The following RASSF2 variants were observed in gnomAD, a reference collection of about 807,000 sequenced individuals.
RASSF2 encodes the protein Ras association domain family member 2.
In RASSF2, 34 loss-of-function variants were observed where a neutral mutation model predicts 46.3. That is an observed-to-expected ratio of 0.73 (90% CI 0.56 to 0.98). The LOEUF (loss-of-function observed/expected upper bound fraction) is 0.98, where lower values mean the gene tolerates loss of function less well. Ranked by LOEUF, RASSF2 falls within the 50% of genes least tolerant of loss-of-function variation. RASSF2 has a pLI of 0.00. For missense variants in RASSF2, 364 were observed against 431.2 expected (o/e 0.84, Z 1.38); for synonymous variants, 158 against 162.5 (o/e 0.97, Z 0.21).
rs1017452961 is a variant in RASSF2, at chr20:4,783,422, T to A, written c.*851A>T. 19 of 152,512 alleles carry A rather than the reference T, an allele frequency of 1.2e-4. No homozygotes were observed. Among genetic ancestry groups the A allele is most frequent in the African/African-American group, 4.3e-4 (18 of 41,536 alleles). The allele number at this position is 152,512 out of a possible 1,614,324, so 9.4% of individuals were successfully genotyped here. ...TGTTTCTTGAGACATTTCCTTCCAC[T>A]CAAGGAAGCGCCATAGAGACAGGCT... is the stretch of plus-strand genomic sequence containing the variant. On this transcript the variant is annotated 3_prime_UTR_variant, in exon 12 of 12. Coordinates refer to ENST00000379400, the MANE Select transcript of RASSF2 (RefSeq NM_014737.3).
chr20:4,799,041 T>G (rs748869704), intron 3 of RASSF2, among the ~76,000 whole-genome samples: 1 of 152,142 alleles, frequency 6.6e-6, no homozygotes, highest in Non-Finnish European at 1.5e-5. Flanking sequence ...GCACAGATCA[T>G]ATTCCATTGA....
chr20:4,801,062 C>G lies in RASSF2; in HGVS notation c.-32G>C. The G allele has an allele frequency of 6.2e-7, 1 of 1,609,952 alleles. No homozygotes were observed. Among genetic ancestry groups the G allele is most frequent in the Non-Finnish European group, 8.5e-7 (1 of 1,176,280 alleles). On this transcript the variant is annotated splice_region_variant and 5_prime_UTR_variant, in exon 3 of 12. An upstream open reading frame in the 5' UTR loses its in-frame stop. Coordinates refer to ENST00000379400, the MANE Select transcript of RASSF2 (RefSeq NM_014737.3). ...TTTCTCTTTTCATCGGAAGGAGAGG[C>G]CTACATTTGGAAGGAGAAGACAGAG...
chr20:4,812,067 G>A lies in RASSF2; in HGVS notation c.-33+10262C>T, dbSNP rs1443235381. Among the ~76,000 whole-genome samples the A allele has an allele frequency of 6.6e-6, 1 of 152,168 alleles. No homozygotes were observed. Among genetic ancestry groups the A allele is most frequent in the African/African-American group, 2.4e-5 (1 of 41,428 alleles). ...TGTGGATGGCAAACAGGAAACCCCA[G>A]CCCCATTGCACCACACGAGGAAGGA... On this transcript the variant is annotated intron_variant, in intron 2 of 11. Coordinates refer to ENST00000379400, the MANE Select transcript of RASSF2 (RefSeq NM_014737.3). This position sits in a 1 kb window ranked among gnomAD's most constrained non-coding sequence, Gnocchi z 4.0.
At chr20:4,811,204 A>G (rs1417947878) in intron 2 of RASSF2, among the ~76,000 whole-genome samples, 1 of 63,842 alleles carries the variant, frequency 1.6e-5, no homozygotes, top group African/African-American at 5.0e-5. Context: ...AAAATAAAAA[A>G]TTAGCCAGGC....
chr20:4,803,207 A>C (rs1927041304), intron 2 of RASSF2, among the ~76,000 whole-genome samples: 1 of 151,960 alleles, frequency 6.6e-6, no homozygotes, highest in African/African-American at 2.4e-5. Flanking sequence ...CACCGCACCC[A>C]GCCCACAATA....
rs979244687 is a variant in RASSF2, at chr20:4,782,219, T to C, written c.*2054A>G. 2 of 152,526 alleles carry C rather than the reference T, an allele frequency of 1.3e-5. No homozygotes were observed. The highest frequency in any genetic ancestry group is 4.8e-5 in the African/African-American group (2 of 41,462). 9.4% of individuals were successfully genotyped at this position (152,526 alleles called of 1,614,324 possible). On this transcript the variant is annotated 3_prime_UTR_variant, in exon 12 of 12. Coordinates refer to ENST00000379400, the MANE Select transcript of RASSF2 (RefSeq NM_014737.3). Reference sequence around the variant, plus strand: ...AACTCTTATAAGCCAGAAATCGCTGTCCAGTAAGAGCTAGTGGTTAGTAGT... The same window carrying C: ...AACTCTTATAAGCCAGAAATCGCTGCCCAGTAAGAGCTAGTGGTTAGTAGT...
chr20:4,788,885 C>T (rs997458485), intron 8 of RASSF2, among the ~76,000 whole-genome samples: 5 of 152,172 alleles, frequency 3.3e-5, no homozygotes, highest in African/African-American at 9.7e-5. Flanking sequence ...ATGCTCACGA[C>T]GATACCATAG....
intron 2 of RASSF2, chr20:4,815,252 G>GT (rs1928204476): frequency 6.6e-6 from 1 of 152,396 alleles, no homozygotes; most frequent in South Asian, 2.1e-4. Context: ...GGCAAACTCT[G>GT]CCTCAGCAGC....
chr20:4,796,730 G>A (rs770677757), intron 4 of RASSF2, among the ~76,000 whole-genome samples: 2 of 152,212 alleles, frequency 1.3e-5, no homozygotes, highest in Non-Finnish European at 2.9e-5. Context: ...TTATGACTAT[G>A]AAATCCTTTA....
chr20:4,819,135 G>A (rs373610058), intron 2 of RASSF2, among the ~76,000 whole-genome samples: 8 of 152,168 alleles, frequency 5.3e-5, no homozygotes, highest in African/African-American at 1.7e-4. Context: ...GATAATTTTC[G>A]TATTTTCAGT....
intron 2 of RASSF2, among the ~76,000 whole-genome samples, chr20:4,811,525 T>C (rs1052801430): frequency 6.7e-6 from 1 of 150,098 alleles, no homozygotes; most frequent in Non-Finnish European, 1.5e-5. Flanking sequence ...GCTGTGTAGA[T>C]TGAGGACACC....
chr20:4,793,050 CATTGCTGTTGAAGAAATAACTCATA>C (rs1407419929), intron 5 of RASSF2: 1 of 172,808 alleles, frequency 5.8e-6, no homozygotes, highest in Non-Finnish European at 1.3e-5. Flanking sequence ...AGTTTAGACT[CATTGCTGTTGAAGAAATAACTCATA>C]ATTGCTTCTG....
intron 2 of RASSF2, among the ~76,000 whole-genome samples, chr20:4,803,607 A>C (rs1927078910): frequency 1.3e-5 from 2 of 150,018 alleles, no homozygotes; most frequent in Admixed American, 1.3e-4. Flanking sequence ...AAATTTAAAA[A>C]TTAGCTGGAT....
Position 4,784,035 on chromosome 20 carries a change from G to A in RASSF2, c.*238C>T, listed in dbSNP as rs549857691. 46 of 560,138 alleles carry A rather than the reference G, an allele frequency of 8.2e-5. No individual in the cohort carries two copies. The highest frequency in any genetic ancestry group is 7.7e-4 in the African/African-American group (41 of 53,156). 34.7% of individuals were successfully genotyped at this position (560,138 alleles called of 1,614,324 possible). A position where few individuals can be genotyped will look rare whatever the true frequency, so the allele number is the denominator to read the frequency against. On this transcript the variant is annotated 3_prime_UTR_variant, in exon 12 of 12. Coordinates refer to ENST00000379400, the MANE Select transcript of RASSF2 (RefSeq NM_014737.3). ...ACACATGTACACACACACATTTTGG[G>A]TCCTCCTTATAACTAAAATCAAAAG...
chr20:4,791,413 C>A (rs191253848), intron 6 of RASSF2, among the ~76,000 whole-genome samples: 1 of 151,908 alleles, frequency 6.6e-6, no homozygotes, highest in Non-Finnish European at 1.5e-5. Context: ...AGATGGTAAA[C>A]GTTATGTTAT....
intron 3 of RASSF2, among the ~76,000 whole-genome samples, chr20:4,798,639 A>G (rs2122537439): frequency 6.6e-6 from 1 of 152,112 alleles, no homozygotes; most frequent in Non-Finnish European, 1.5e-5. Context: ...AGCCTGGCCA[A>G]CATGGTGAAA....
In RASSF2 at chr20:4,784,016, G is replaced by T; in HGVS notation, c.*257C>A. On this transcript the variant is annotated 3_prime_UTR_variant, in exon 12 of 12. Coordinates refer to ENST00000379400, the MANE Select transcript of RASSF2 (RefSeq NM_014737.3). ...ACACGTACCATGTGTGCACACACAT[G>T]TACACACACACATTTTGGGTCCTCC... is the stretch of plus-strand genomic sequence containing the variant. 1 of 534,774 alleles carries T rather than the reference G, an allele frequency of 1.9e-6. No individual in the cohort carries two copies. Among genetic ancestry groups the T allele is most frequent in the Admixed American group, 3.1e-5 (1 of 32,012 alleles). The allele number at this position is 534,774 out of a possible 1,614,324, so 33.1% of individuals were successfully genotyped here. A position where few individuals can be genotyped will look rare whatever the true frequency, so the allele number is the denominator to read the frequency against.
rs1330224702 is a variant in RASSF2 at position 4,787,693 on chromosome 20, A to G, written c.753T>C (p.Cys251=). The change falls in exon 10 of 12, where the codon TGT becomes TGC. Residue 251 remains cysteine (C), a synonymous_variant. Coordinates refer to ENST00000379400, the MANE Select transcript of RASSF2 (RefSeq NM_014737.3). ...TTAGGAACACTTTGGAGATCTGCTC[A>G]CATGGGCCCTGGAGGATTCGGGCAA... The part of the protein sequence containing the change: ...PLIARILQGP[C]EQISKVFLME... 1.9e-6 allele frequency: 3 copies of G among 1,614,162 alleles called. No homozygotes were observed. Among genetic ancestry groups the G allele is most frequent in the Middle Eastern group, 1.6e-4 (1 of 6,062 alleles).
rs2122362275 is a variant in RASSF2, at chr20:4,781,971, T to G, written c.*2302A>C. 6.6e-6 allele frequency: 1 copy of G among 152,344 alleles called. No homozygotes were observed. The highest frequency in any genetic ancestry group is 1.9e-4 in the East Asian group (1 of 5,182). The allele number at this position is 152,344 out of a possible 1,614,324, so 9.4% of individuals were successfully genotyped here. A position where few individuals can be genotyped will look rare whatever the true frequency, so the allele number is the denominator to read the frequency against. Reference sequence around the variant, plus strand: ...GATCAGGTTCTTAGGACGTGAGAAATGACCTCTCAAGAGGGCAGGACAAAA... The same window carrying G: ...GATCAGGTTCTTAGGACGTGAGAAAGGACCTCTCAAGAGGGCAGGACAAAA... On this transcript the variant is annotated 3_prime_UTR_variant, in exon 12 of 12. Coordinates refer to ENST00000379400, the MANE Select transcript of RASSF2 (RefSeq NM_014737.3).
Sources: allele counts gnomAD v4.1 joint callset (sites outside exome capture counted in the v4.1 genomes callset), GRCh38; gene constraint gnomAD v4.1.1; non-coding constraint Gnocchi (gnomAD v3.1); transcripts MANE v1.5; gene names NCBI Gene and HGNC (gene_info 2026-07-23, HGNC 2026-07-21).